The following CCDC148 variants were observed in gnomAD, a reference collection of about 807,000 sequenced individuals.
CCDC148 encodes the protein coiled-coil domain-containing protein 148.
A neutral mutation model predicts 85.7 loss-of-function variants in CCDC148; 89 were observed. The observed-to-expected ratio is 1.04, with a 90% CI of 0.87 to 1.24. CCDC148 has a LOEUF of 1.24. CCDC148 is among the 50% of genes most tolerant of loss of function. CCDC148 has a pLI of 0.00. For missense variants in CCDC148, 692 were observed against 671.7 expected (o/e 1.03, Z -0.33); for synonymous variants, 230 against 213.9 (o/e 1.08, Z -0.66).
chr2:158,240,114 G>T (rs1340387012), intron 10 of CCDC148, among the ~76,000 whole-genome samples: 1 of 151,862 alleles, frequency 6.6e-6, no homozygotes, highest in Non-Finnish European at 1.5e-5. Context: ...TTTGCAGTGA[G>T]GATGCTTGCT....
intron 9 of CCDC148, among the ~76,000 whole-genome samples, chr2:158,303,786 G>C (rs1056400270): frequency 1.3e-5 from 2 of 152,142 alleles, no homozygotes; most frequent in African/African-American, 4.8e-5. Context: ...TTCTGAGGAG[G>C]CTACATTTTA....
Position 158,236,644 on chromosome 2 carries a change from C to G in CCDC148, c.1251+14128G>C, listed in dbSNP as rs941679891. Among the ~76,000 whole-genome samples, 6 of 152,074 alleles carry G rather than the reference C, an allele frequency of 3.9e-5. No individual in the cohort carries two copies. The East Asian group carries it at 1.2e-3, about 29-fold the overall frequency. On this transcript the variant is annotated intron_variant, in intron 10 of 13. Coordinates refer to ENST00000283233, the MANE Select transcript of CCDC148 (RefSeq NM_138803.4). ...TTTTGCAATCATTTAATCAAAACAC[C>G]TCATTTTACAACTAAGGAGGCAAAA... is the stretch of plus-strand genomic sequence containing the variant.
chr2:158,211,843 C>T (rs540502787), intron 11 of CCDC148, among the ~76,000 whole-genome samples: 2 of 152,286 alleles, frequency 1.3e-5, no homozygotes, highest in Admixed American at 1.3e-4. Flanking sequence ...ATCAAAATTG[C>T]TATATATTGC....
At chr2:158,223,195 T>C (rs1687288966) in intron 10 of CCDC148, among the ~76,000 whole-genome samples, 1 of 152,164 alleles carries the variant, frequency 6.6e-6, no homozygotes. Context: ...TGGAGGGTCC[T>C]ACGCCCACGG....
intron 11 of CCDC148, among the ~76,000 whole-genome samples, chr2:158,208,934 C>T (rs913904964): frequency 7.2e-5 from 11 of 152,090 alleles, no homozygotes; most frequent in Admixed American, 4.6e-4. Context: ...CGCTGTAAAA[C>T]TTATATTAGA....
chr2:158,399,945 C>T (rs1028975352), intron 1 of CCDC148, among the ~76,000 whole-genome samples: 1 of 152,208 alleles, frequency 6.6e-6, no homozygotes, highest in South Asian at 2.1e-4. Context: ...AACTCCTATA[C>T]ACAATTACTA....
intron 9 of CCDC148, among the ~76,000 whole-genome samples, chr2:158,266,300 C>T (rs1237095131): frequency 6.6e-6 from 1 of 152,076 alleles, no homozygotes; most frequent in Non-Finnish European, 1.5e-5. Flanking sequence ...CGTCTCAAGG[C>T]ACTTAAGGGA....
At chr2:158,345,375 A>G (rs1682947529) in intron 2 of CCDC148, 57 bp from the exon 3 acceptor site, 1 of 1,198,908 alleles carries the variant, frequency 8.3e-7, no homozygotes, top group African/African-American at 1.5e-5. Context: ...TGTGTTTTTC[A>G]CAACAGAAAT....
intron 1 of CCDC148, 116 bp downstream of exon 1, chr2:158,456,299 G>A: frequency 2.9e-6 from 3 of 1,046,274 alleles, no homozygotes; most frequent in South Asian, 2.7e-5. Context: ...AAACGTTGAG[G>A]AAAGATCCAC....
chr2:158,313,552 G>A (rs1224608744), intron 8 of CCDC148, among the ~76,000 whole-genome samples: 1 of 152,138 alleles, frequency 6.6e-6, no homozygotes, highest in Non-Finnish European at 1.5e-5. Context: ...TGCCCGAGGG[G>A]GCCCCCCACC....
chr2:158,283,199 C>T (rs1690424936), intron 9 of CCDC148, among the ~76,000 whole-genome samples: 1 of 152,180 alleles, frequency 6.6e-6, no homozygotes, highest in Non-Finnish European at 1.5e-5. Context: ...TAGGCATTAC[C>T]ATTCAGGACA....
chr2:158,179,854 A>G (rs1205672593), intron 11 of CCDC148, among the ~76,000 whole-genome samples: 1 of 152,178 alleles, frequency 6.6e-6, no homozygotes, highest in Non-Finnish European at 1.5e-5. Context: ...TGTAGATGGC[A>G]GCAAAAACAT....
chr2:158,356,425 T>C (rs1325004299), intron 2 of CCDC148, among the ~76,000 whole-genome samples: 4 of 146,948 alleles, frequency 2.7e-5, no homozygotes, highest in Non-Finnish European at 6.1e-5. Flanking sequence ...GCGAAGGACA[T>C]GAACAGACAC....
At position 158,250,896 on chromosome 2, in the gene CCDC148, G is replaced by C. The variant is rs1444155502; in HGVS notation, c.1127C>G (p.Ala376Gly). The change falls in exon 10 of 14, where the codon GCC becomes GGC. Residue 376 changes from alanine (A) to glycine (G), a missense_variant. Ala to Gly is a moderately conservative substitution (Grantham distance 60). Coordinates refer to ENST00000283233, the MANE Select transcript of CCDC148 (RefSeq NM_138803.4). ...CAGTCTTGCTACCTCTTCTTGGTGG[G>C]CTCGCCATTGACGAACCTGAAATAA... ...DLKAKVRQWRAHQEEVARLEM... is the reference protein window; with the variant it reads ...DLKAKVRQWRGHQEEVARLEM... 6.3e-7 allele frequency: 1 copy of C among 1,593,526 alleles called. No homozygotes were observed. Among genetic ancestry groups the C allele is most frequent in the Non-Finnish European group, 8.5e-7 (1 of 1,173,560 alleles).
chr2:158,355,117 A>C (rs1166232255), intron 2 of CCDC148, among the ~76,000 whole-genome samples: 2 of 151,312 alleles, frequency 1.3e-5, no homozygotes, highest in Non-Finnish European at 1.5e-5. Flanking sequence ...CCCACAGCCA[A>C]TATCATACTG....
chr2:158,226,890 T>A (rs961382701), intron 10 of CCDC148, among the ~76,000 whole-genome samples: 2 of 152,150 alleles, frequency 1.3e-5, no homozygotes, highest in Non-Finnish European at 2.9e-5. Context: ...CTTTGAAAAC[T>A]GGCACAAGAC....
chr2:158,177,654 T>A (rs1420459850), intron 12 of CCDC148, among the ~76,000 whole-genome samples: 1 of 152,190 alleles, frequency 6.6e-6, no homozygotes, highest in Non-Finnish European at 1.5e-5. Flanking sequence ...CCATGATATA[T>A]AAGTTGAATA....
chr2:158,192,874 AG>A (rs1294191609), intron 11 of CCDC148, among the ~76,000 whole-genome samples: 1 of 151,154 alleles, frequency 6.6e-6, no homozygotes, highest in Non-Finnish European at 1.5e-5. Flanking sequence ...AAAAAAAAAA[AG>A]GCTATTTTAT....
At chr2:158,372,013 G>A (rs1175228115) in intron 1 of CCDC148, among the ~76,000 whole-genome samples, 1 of 151,778 alleles carries the variant, frequency 6.6e-6, no homozygotes, top group Non-Finnish European at 1.5e-5. Context: ...TTCCAGTCTG[G>A]GGAACACAGT....
Sources: gnomAD v4.1 joint callset for allele counts (sites outside exome capture counted in the v4.1 genomes callset) on GRCh38, gnomAD v4.1.1 for gene constraint, MANE v1.5 for transcripts, NCBI Gene and HGNC (gene_info 2026-07-23, HGNC 2026-07-21) for gene names.